TIMM22: variants seen among roughly 807,000 people sequenced by gnomAD.
TIMM22 encodes the protein mitochondrial import inner membrane translocase subunit Tim22.
Under a neutral mutation model 18.3 loss-of-function variants are expected in TIMM22, and 12 were observed. The observed-to-expected ratio is 0.65, with a 90% CI of 0.42 to 1.06. TIMM22 has a LOEUF of 1.06. Ranked by LOEUF, TIMM22 falls within the 50% of genes least tolerant of loss-of-function variation. The probability of loss-of-function intolerance (pLI) is 0.00; values close to 1 mark genes in which losing one functional copy is unlikely to be tolerated. For synonymous variants in TIMM22, 107 were observed against 98.5 expected (o/e 1.09, Z -0.51); for missense variants, 278 against 252.8 (o/e 1.10, Z -0.68).
In TIMM22 at chr17:999,354, T is replaced by C. The variant is rs111982511; in HGVS notation, c.436-158T>C. On this transcript the variant is annotated intron_variant, in intron 2 of 3. Transcript: ENST00000327158. ...ATATATATATATATATATATATATA[T>C]ATATACACGCTGTATACTTAGGAAC... 4.2e-3 allele frequency among the ~76,000 whole-genome samples: 478 copies of C among 112,970 alleles called. 18 individuals are homozygous for C. Among genetic ancestry groups the C allele is most frequent in the Middle Eastern group, 0.014 (3 of 210 alleles). 74.1% of individuals were successfully genotyped at this position (112,970 alleles called of 152,430 possible). A position where few individuals can be genotyped will look rare whatever the true frequency, so the allele number is the denominator to read the frequency against.
At position 998,846 on chromosome 17, in the gene TIMM22, T is replaced by C; in HGVS notation, c.306T>C (p.Pro102=). The stretch of plus-strand genomic sequence containing the variant: ...TCGATACCAACGTGGGCTTTGACCC[T>C]AAGGATCCTTACCGTACACCGACTG... The part of the protein sequence containing the change: ...AGIDTNVGFD[P]KDPYRTPTAK... Residue 102 remains proline (P), a synonymous_variant, in exon 2 of 4, where the codon CCT becomes CCC. Coordinates refer to ENST00000327158, the MANE Select transcript of TIMM22 (RefSeq NM_013337.4). 6.2e-7 allele frequency: 1 copy of C among 1,614,146 alleles called. No individual in the cohort carries two copies. Among genetic ancestry groups the C allele is most frequent in the Non-Finnish European group, 8.5e-7 (1 of 1,180,014 alleles).
intron 3 of TIMM22, among the ~76,000 whole-genome samples, chr17:1,000,334 A>G (rs1308609824): frequency 6.6e-6 from 1 of 150,630 alleles, no homozygotes; most frequent in Non-Finnish European, 1.5e-5. Context: ...AGCTGCAAAA[A>G]AAAAAAAAAA....
rs559303049 is a variant in TIMM22 at position 1,002,951 on chromosome 17, T to G, written c.*1863T>G. ...GTTTTCGATGGCTGGGGAGCCAGTA[T>G]GAGCTCATAAACCAAACAGCAATTT... On this transcript the variant is annotated 3_prime_UTR_variant, in exon 4 of 4. Transcript: ENST00000327158. 93 of 152,306 alleles carry G rather than the reference T, an allele frequency of 6.1e-4. 1 individual carries two copies. Among genetic ancestry groups the G allele is most frequent in the African/African-American group, 2.2e-3 (91 of 41,566 alleles). The allele number at this position is 152,306 out of a possible 1,614,324, so 9.4% of individuals were successfully genotyped here.
In TIMM22 at chr17:1,002,543, G is replaced by T. The variant is rs1008090935; in HGVS notation, c.*1455G>T. The T allele has an allele frequency of 6.6e-6, 1 of 152,214 alleles. No individual in the cohort carries two copies. 9.4% of individuals were successfully genotyped at this position (152,214 alleles called of 1,614,324 possible). A position where few individuals can be genotyped will look rare whatever the true frequency, so the allele number is the denominator to read the frequency against. On this transcript the variant is annotated 3_prime_UTR_variant, in exon 4 of 4. Coordinates refer to ENST00000327158, the MANE Select transcript of TIMM22 (RefSeq NM_013337.4). ...TGCCATTTTCTTGGAATGAATGTGA[G>T]TTCCTGCTCAGGGCTCATGTCCTTT...
rs1428565312 is a variant in TIMM22, at chr17:1,002,667, G to GTT, written c.*1581_*1582dup. On this transcript the variant is annotated 3_prime_UTR_variant, in exon 4 of 4. Coordinates refer to ENST00000327158, the MANE Select transcript of TIMM22 (RefSeq NM_013337.4). ...CGTTCCCTAGAGCTCAGAACAAATT[G>GTT]TTTCCTCTGCTGTCCCTAAATATAG... 1 of 152,174 alleles carries GTT rather than the reference G, an allele frequency of 6.6e-6. No individual in the cohort carries two copies. The highest frequency in any genetic ancestry group is 6.5e-5 in the Admixed American group (1 of 15,278). 9.4% of individuals were successfully genotyped at this position (152,174 alleles called of 1,614,324 possible). A position where few individuals can be genotyped will look rare whatever the true frequency, so the allele number is the denominator to read the frequency against.
rs1203820325 is a variant in TIMM22 at position 997,286 on chromosome 17, C to T, written c.144C>T (p.Gly48=). 2 of 1,613,662 alleles carry T rather than the reference C, an allele frequency of 1.2e-6. No homozygotes were observed. The highest frequency in any genetic ancestry group is 1.7e-6 in the Non-Finnish European group (2 of 1,179,932). The change falls in exon 1 of 4, where the codon GGC becomes GGT. Residue 48 remains glycine (G), a synonymous_variant. Transcript: ENST00000327158. ...GGCTCCTGGAGCCTGGGAGCCTGGG[C>T]GGGATCCCAAGTCCAGCCAAGAGTG... The part of the protein sequence containing the change: ...QPRLLEPGSL[G]GIPSPAKSEE...
At chr17:998,242 G>A (rs2069704768) in intron 1 of TIMM22, among the ~76,000 whole-genome samples, 1 of 152,182 alleles carries the variant, frequency 6.6e-6, no homozygotes, top group Admixed American at 6.5e-5. Flanking sequence ...TGTCCAGCCG[G>A]CTCAGGAAGG....
chr17:1,002,712 A>G lies in TIMM22; in HGVS notation c.*1624A>G, dbSNP rs1314725237. The G allele has an allele frequency of 6.6e-6, 1 of 152,186 alleles. No individual in the cohort carries two copies. Among genetic ancestry groups the G allele is most frequent in the Non-Finnish European group, 1.5e-5 (1 of 68,040 alleles). The allele number at this position is 152,186 out of a possible 1,614,324, so 9.4% of individuals were successfully genotyped here. A position where few individuals can be genotyped will look rare whatever the true frequency, so the allele number is the denominator to read the frequency against. Reference sequence around the variant, plus strand: ...ATATAGGACACCTACAAGCACTCTGAAGCAAGGGCAGACATTCCCACCTGG... The same window carrying G: ...ATATAGGACACCTACAAGCACTCTGGAGCAAGGGCAGACATTCCCACCTGG... On this transcript the variant is annotated 3_prime_UTR_variant, in exon 4 of 4. Transcript: ENST00000327158.
chr17:997,487 C>A, intron 1 of TIMM22, 107 bp downstream of exon 1: 2 of 1,080,780 alleles, frequency 1.9e-6, no homozygotes, highest in Non-Finnish European at 1.3e-6. Context: ...CGGGCCTTGA[C>A]CTTGACCACA....
rs1430734190 is a variant in TIMM22 at position 1,002,720 on chromosome 17, G to GCAGA, written c.*1635_*1638dup. On this transcript the variant is annotated 3_prime_UTR_variant, in exon 4 of 4. Coordinates refer to ENST00000327158, the MANE Select transcript of TIMM22 (RefSeq NM_013337.4). ...CACCTACAAGCACTCTGAAGCAAGG[G>GCAGA]CAGACATTCCCACCTGGTACCTGTC... 2 of 152,162 alleles carry GCAGA rather than the reference G, an allele frequency of 1.3e-5. No homozygotes were observed. Among genetic ancestry groups the GCAGA allele is most frequent in the Non-Finnish European group, 2.9e-5 (2 of 68,046 alleles). 9.4% of individuals were successfully genotyped at this position (152,162 alleles called of 1,614,324 possible).
Position 1,003,329 on chromosome 17 carries a change from A to T in TIMM22, c.*2241A>T, listed in dbSNP as rs1215935134. The stretch of plus-strand genomic sequence containing the variant: ...TGATCCGGAGGCCTTTGTGAAGAGC[A>T]AGGAGAGGGCTCCAGCCCACCTCCC... On this transcript the variant is annotated 3_prime_UTR_variant, in exon 4 of 4. Transcript: ENST00000327158. The T allele has an allele frequency of 6.6e-6, 1 of 152,346 alleles. No homozygotes were observed. Among genetic ancestry groups the T allele is most frequent in the Non-Finnish European group, 1.5e-5 (1 of 68,074 alleles). The allele number at this position is 152,346 out of a possible 1,614,324, so 9.4% of individuals were successfully genotyped here. A position where few individuals can be genotyped will look rare whatever the true frequency, so the allele number is the denominator to read the frequency against.
intron 1 of TIMM22, 64 bp downstream of exon 1, chr17:997,444 G>A: frequency 2.0e-6 from 3 of 1,504,618 alleles, no homozygotes; most frequent in Non-Finnish European, 2.7e-6. Flanking sequence ...GATCTCTGCC[G>A]AGAAGACCAC....
intron 1 of TIMM22, among the ~76,000 whole-genome samples, 160 bp downstream of exon 1, chr17:997,540 C>G (rs1044620461): frequency 1.3e-5 from 2 of 152,240 alleles, no homozygotes; most frequent in African/African-American, 2.4e-5. Context: ...CTCCTGCCCC[C>G]TCAGGCCGGC....
Position 998,822 on chromosome 17 carries a change from C to T in TIMM22, c.282C>T (p.Ile94=), listed in dbSNP as rs370502388. The part of the protein sequence containing the change: ...GGAFGVFTAG[I]DTNVGFDPKD... ...CATTTGGGGTGTTTACCGCTGGCATCGATACCAACGTGGGCTTTGACCCTA... is the reference window on the plus strand; with the variant it reads ...CATTTGGGGTGTTTACCGCTGGCATTGATACCAACGTGGGCTTTGACCCTA... The change falls in exon 2 of 4, where the codon ATC becomes ATT. Residue 94 remains isoleucine, a synonymous_variant. Transcript: ENST00000327158. The T allele has an allele frequency of 2.4e-5, 38 of 1,613,920 alleles. No individual in the cohort carries two copies. The highest frequency in any genetic ancestry group is 3.3e-4 in the Middle Eastern group (2 of 6,084).
intron 1 of TIMM22, among the ~76,000 whole-genome samples, chr17:997,702 A>C (rs1394801160): frequency 1.3e-5 from 2 of 152,174 alleles, no homozygotes; most frequent in African/African-American, 4.8e-5. Flanking sequence ...AGTCCCAGCT[A>C]TTCGGGAGGT....
Position 1,002,709 on chromosome 17 carries a change from C to G in TIMM22, c.*1621C>G, listed in dbSNP as rs1305704688. ...TAAATATAGGACACCTACAAGCACT[C>G]TGAAGCAAGGGCAGACATTCCCACC... On this transcript the variant is annotated 3_prime_UTR_variant, in exon 4 of 4. Coordinates refer to ENST00000327158, the MANE Select transcript of TIMM22 (RefSeq NM_013337.4). The G allele has an allele frequency of 6.6e-6, 1 of 152,186 alleles. No individual in the cohort carries two copies. Among genetic ancestry groups the G allele is most frequent in the East Asian group, 1.9e-4 (1 of 5,198 alleles). 9.4% of individuals were successfully genotyped at this position (152,186 alleles called of 1,614,324 possible).
intron 3 of TIMM22, 95 bp downstream of exon 3, chr17:999,679 G>A: frequency 2.6e-6 from 3 of 1,153,610 alleles, no homozygotes; most frequent in Non-Finnish European, 2.5e-6. Flanking sequence ...AGGGACACTT[G>A]ATCTTCTTCC....
chr17:998,606 G>C (rs544106948), intron 1 of TIMM22, among the ~76,000 whole-genome samples, 173 bp from the exon 2 acceptor site: 5 of 152,298 alleles, frequency 3.3e-5, no homozygotes, highest in Non-Finnish European at 7.3e-5. Flanking sequence ...GATGATGTCA[G>C]TAACATAGAC....
In TIMM22 at chr17:1,001,443, G is replaced by A. The variant is rs763598511; in HGVS notation, c.*355G>A. ...TGGTGTTGTGGGCACAGAGGTGACA[G>A]TGTCTCTGCAGGCACTCAGGAAGCT... On this transcript the variant is annotated 3_prime_UTR_variant, in exon 4 of 4. Transcript: ENST00000327158. 4.1e-6 allele frequency: 1 copy of A among 243,610 alleles called. No individual in the cohort carries two copies. The highest frequency in any genetic ancestry group is 8.2e-6 in the Non-Finnish European group (1 of 121,472). 15.1% of individuals were successfully genotyped at this position (243,610 alleles called of 1,614,324 possible).
Sources: allele counts gnomAD v4.1 joint callset (sites outside exome capture counted in the v4.1 genomes callset), GRCh38; gene constraint gnomAD v4.1.1; transcripts MANE v1.5; gene names NCBI Gene and HGNC (gene_info 2026-07-23, HGNC 2026-07-21).